Variants in MARCHF11 observed in about 807,000 individuals in gnomAD.
MARCHF11 encodes the protein membrane associated ring-CH-type finger 11.
MARCHF11 carries 29 observed loss-of-function variants against 37.3 expected under a neutral mutation model. The observed-to-expected ratio is 0.78, with a 90% CI of 0.58 to 1.06. The LOEUF is 1.06. MARCHF11 is among the 50% of genes least tolerant of loss of function. MARCHF11 has a pLI of 0.00. For missense variants in MARCHF11, 482 were observed against 533.4 expected (o/e 0.90, Z 0.95); for synonymous variants, 233 against 228.0 (o/e 1.02, Z -0.20).
At chr5:16,091,116 T>G in intron 2 of MARCHF11, 35 bp from the exon 3 acceptor site, 1 of 1,398,360 alleles carries the variant, frequency 7.2e-7, no homozygotes, top group Non-Finnish European at 9.3e-7. Flanking sequence ...AGAAAGGAGC[T>G]GTGTATAATT....
chr5:16,146,166 T>C (rs1270434782), intron 2 of MARCHF11, among the ~76,000 whole-genome samples: 1 of 152,162 alleles, frequency 6.6e-6, no homozygotes, highest in Non-Finnish European at 1.5e-5. Context: ...TGGGTGATAA[T>C]CTTGTGAATC....
intron 2 of MARCHF11, among the ~76,000 whole-genome samples, chr5:16,123,468 G>A (rs540833421): frequency 1.3e-5 from 2 of 152,236 alleles, no homozygotes; most frequent in African/African-American, 4.8e-5. Context: ...CTACAAGTGT[G>A]AAACAATAAA....
chr5:16,095,772 C>T (rs1454183140), intron 2 of MARCHF11, among the ~76,000 whole-genome samples: 1 of 152,112 alleles, frequency 6.6e-6, no homozygotes, highest in African/African-American at 2.4e-5. Flanking sequence ...AGCTGGCTTC[C>T]TTCCTTCACA....
rs34769733 is a variant in MARCHF11 at position 16,125,619 on chromosome 5, CTGTGTGTGTGTGTGTGTGTG to C, written c.694-34558_694-34539del. Among the ~76,000 whole-genome samples, 640 of 142,358 alleles carry C rather than the reference CTGTGTGTGTGTGTGTGTGTG, an allele frequency of 4.5e-3. 2 individuals carry two copies. The highest frequency in any genetic ancestry group is 0.013 in the African/African-American group (491 of 38,756). 93.4% of individuals were successfully genotyped at this position (142,358 alleles called of 152,430 possible). ...CAGCTGGTGCACCCTGGCACACTCTCTGTGTGTGTGTGTGTGTGTGTGTGTGTGTGTGTGTGTGTGTGTGT... is the reference window on the plus strand; with the variant it reads ...CAGCTGGTGCACCCTGGCACACTCTCTGTGTGTGTGTGTGTGTGTGTGTGT... On this transcript the variant is annotated intron_variant, in intron 2 of 3. Transcript: ENST00000332432.
intron 3 of MARCHF11, among the ~76,000 whole-genome samples, chr5:16,076,396 T>A (rs1301831337): frequency 6.6e-6 from 1 of 152,150 alleles, no homozygotes; most frequent in Non-Finnish European, 1.5e-5. Flanking sequence ...CATGGATATG[T>A]TTTTTCAATA....
chr5:16,102,957 T>C (rs1379152557), intron 2 of MARCHF11, among the ~76,000 whole-genome samples: 2 of 152,142 alleles, frequency 1.3e-5, no homozygotes, highest in East Asian at 3.9e-4. Flanking sequence ...AAGGGAACTA[T>C]CTTGTCTTAA....
At chr5:16,068,168 G>A (rs1736380320) in intron 3 of MARCHF11, among the ~76,000 whole-genome samples, 1 of 152,138 alleles carries the variant, frequency 6.6e-6, no homozygotes, top group South Asian at 2.1e-4. Flanking sequence ...TGTGTTAGGG[G>A]CTTGAACCCA....
chr5:16,104,064 C>A (rs978944133), intron 2 of MARCHF11, among the ~76,000 whole-genome samples: 16 of 152,168 alleles, frequency 1.1e-4, no homozygotes, highest in Non-Finnish European at 8.8e-5. Context: ...ATGGTAACTG[C>A]AGGAGAAACA....
intron 2 of MARCHF11, among the ~76,000 whole-genome samples, chr5:16,101,200 T>C (rs543650564): frequency 6.6e-6 from 1 of 152,324 alleles, no homozygotes; most frequent in South Asian, 2.1e-4. Flanking sequence ...AGCAGCTTAT[T>C]AGTCCAGATT....
chr5:16,067,626 G>C lies in MARCHF11; in HGVS notation c.1054C>G (p.Arg352Gly). The change falls in exon 4 of 4, where the codon CGG (arginine) becomes GGG (glycine). Residue 352 changes from arginine to glycine, a missense_variant. Physicochemically the swap from Arg to Gly is moderately radical, Grantham distance 125. Transcript: ENST00000332432. ...RTLWLPLTAL[R>G]NRNLVHPTQL... ...GTTGGGTGGACCAAGTTTCTGTTCC[G>C]CAGAGCTGTCAATGGCAACCACAAA... 2.5e-6 allele frequency: 4 copies of C among 1,613,950 alleles called. No homozygotes were observed. Among genetic ancestry groups the C allele is most frequent in the Non-Finnish European group, 3.4e-6 (4 of 1,179,854 alleles).
intron 2 of MARCHF11, among the ~76,000 whole-genome samples, chr5:16,136,988 AAC>A (rs755150479): frequency 1.6e-4 from 25 of 152,210 alleles, no homozygotes; most frequent in Non-Finnish European, 3.5e-4. Context: ...CTTTCTAAAT[AAC>A]AATAAAAAAT....
At chr5:16,079,418 G>A (rs1560968229) in intron 3 of MARCHF11, among the ~76,000 whole-genome samples, 1 of 152,188 alleles carries the variant, frequency 6.6e-6, no homozygotes, top group Non-Finnish European at 1.5e-5. Context: ...CCATCCTGGA[G>A]CCCTTCTCTC....
At chr5:16,079,949 C>G (rs1736579692) in intron 3 of MARCHF11, among the ~76,000 whole-genome samples, 1 of 152,148 alleles carries the variant, frequency 6.6e-6, no homozygotes, top group South Asian at 2.1e-4. Flanking sequence ...CTGCCCCTTC[C>G]CATCTCTGGA....
At chr5:16,178,640 A>T (rs1738405016) in intron 1 of MARCHF11, among the ~76,000 whole-genome samples, 1 of 152,180 alleles carries the variant, frequency 6.6e-6, no homozygotes, top group East Asian at 1.9e-4. Flanking sequence ...TCTGGTTGTG[A>T]TATGACATCT....
chr5:16,089,099 T>TAA (rs557123942), intron 3 of MARCHF11, among the ~76,000 whole-genome samples: 6 of 147,896 alleles, frequency 4.1e-5, no homozygotes, highest in African/African-American at 1.2e-4. Flanking sequence ...GTTCTGAAAT[T>TAA]AAAAAAAAAA....
intron 2 of MARCHF11, among the ~76,000 whole-genome samples, chr5:16,143,255 C>T (rs747702392): frequency 6.6e-6 from 1 of 152,152 alleles, no homozygotes; most frequent in Non-Finnish European, 1.5e-5. Flanking sequence ...GAGACCTCCA[C>T]GGATATGCTG....
intron 2 of MARCHF11, among the ~76,000 whole-genome samples, chr5:16,163,015 CATGCTTTTTTTAT>C (rs1738108419): frequency 6.6e-6 from 1 of 151,954 alleles, no homozygotes; most frequent in South Asian, 2.1e-4. Context: ...TGCCAAAGTC[CATGCTTTTTTTAT>C]TATATTACAC....
At chr5:16,146,310 T>C (rs1375078320) in intron 2 of MARCHF11, among the ~76,000 whole-genome samples, 1 of 152,180 alleles carries the variant, frequency 6.6e-6, no homozygotes, top group Non-Finnish European at 1.5e-5. Context: ...AGTCGACACC[T>C]GTTACTCATC....
chr5:16,070,507 G>A (rs200255235), intron 3 of MARCHF11, among the ~76,000 whole-genome samples: 2 of 152,230 alleles, frequency 1.3e-5, no homozygotes, highest in East Asian at 3.8e-4. Flanking sequence ...GATGGAGGGT[G>A]CAGGGGCACA....
Sources: gnomAD v4.1 joint callset for allele counts (sites outside exome capture counted in the v4.1 genomes callset) on GRCh38, gnomAD v4.1.1 for gene constraint, MANE v1.5 for transcripts, NCBI Gene and HGNC (gene_info 2026-07-23, HGNC 2026-07-21) for gene names.